DIP2C: variants seen among roughly 807,000 people sequenced by gnomAD.
DIP2C encodes the protein DIP2 acetate--CoA ligase C (putative).
Under a neutral mutation model 192.4 loss-of-function variants are expected in DIP2C, and 33 were observed. That is an observed-to-expected ratio of 0.17 (90% CI 0.13 to 0.23). The LOEUF (loss-of-function observed/expected upper bound fraction) is 0.23. Among genes scored for constraint, DIP2C ranks in the 10% least tolerant of loss-of-function variants. The pLI is 1.00. For missense variants in DIP2C, 1,537 were observed against 2,110.1 expected, an observed-to-expected ratio of 0.73 and a Z score of 5.32; for synonymous variants, 979 against 864.1, an observed-to-expected ratio of 1.13 and a Z score of -2.33.
rs527903974 is a variant in DIP2C, at chr10:372,758, C to G, written c.1992-3125G>C. On this transcript the variant is annotated intron_variant, in intron 17 of 36. Transcript: ENST00000280886. ...GGCGGGCACAGAAGCACGGGTGCTC[C>G]CGACACACAGGTGGGCACAGAAGCG... is the stretch of plus-strand genomic sequence containing the variant. Among the ~76,000 whole-genome samples the G allele has an allele frequency of 2.6e-5, 4 of 151,460 alleles. No individual in the cohort carries two copies. In the East Asian group the frequency reaches 5.8e-4, roughly 22 times the overall value.
At chr10:607,711 G>T (rs1852598413) in intron 1 of DIP2C, among the ~76,000 whole-genome samples, 1 of 152,156 alleles carries the variant, frequency 6.6e-6, no homozygotes, top group South Asian at 2.1e-4. Context: ...AAAATCACAA[G>T]TGTAAACATT....
chr10:287,119 T>C (rs1411948862), intron 33 of DIP2C, among the ~76,000 whole-genome samples: 1 of 152,152 alleles, frequency 6.6e-6, no homozygotes, highest in Non-Finnish European at 1.5e-5. Context: ...CTTTTTTTTT[T>C]TGAGACAGGG....
chr10:470,418 C>CCT (rs1387129215), intron 3 of DIP2C, among the ~76,000 whole-genome samples: 12 of 152,314 alleles, frequency 7.9e-5, no homozygotes, highest in African/African-American at 2.9e-4. Context: ...TCAGCCACCC[C>CCT]CTCTGCCATG....
At chr10:329,639 GC>G in intron 29 of DIP2C, 38 bp from the exon 30 acceptor site, 1 of 432,470 alleles carries the variant, frequency 2.3e-6, no homozygotes. Flanking sequence ...CGGGAGCTCA[GC>G]AAGGCTGGAG....
At chr10:540,039 G>T (rs570116952) in intron 1 of DIP2C, among the ~76,000 whole-genome samples, 2 of 152,302 alleles carry the variant, frequency 1.3e-5, no homozygotes, top group South Asian at 4.1e-4. Flanking sequence ...AGAAACTTGT[G>T]TTTGGCAATA....
chr10:529,843 G>A (rs934714658), intron 1 of DIP2C, among the ~76,000 whole-genome samples: 6 of 151,736 alleles, frequency 4.0e-5, no homozygotes, highest in East Asian at 3.9e-4. Flanking sequence ...GCAGTATTGC[G>A]ATCATGGCTC....
intron 2 of DIP2C, among the ~76,000 whole-genome samples, chr10:473,845 T>C (rs1970846775): frequency 6.6e-6 from 1 of 152,262 alleles, no homozygotes; most frequent in African/African-American, 2.4e-5. Context: ...ATGAGAGTTG[T>C]AGAGTCTGTG....
chr10:621,683 T>A (rs1012062718), intron 1 of DIP2C, among the ~76,000 whole-genome samples: 3 of 152,004 alleles, frequency 2.0e-5, no homozygotes, highest in Non-Finnish European at 4.4e-5. Flanking sequence ...TCCGCCTCCA[T>A]CCTCCATCCT....
At chr10:348,531 C>A (rs1958630846) in intron 26 of DIP2C, 110 bp downstream of exon 26, 1 of 1,520,720 alleles carries the variant, frequency 6.6e-7, no homozygotes, top group Non-Finnish European at 8.8e-7. Flanking sequence ...CCAGACACAC[C>A]CCGGCTTCCA....
Position 414,739 on chromosome 10 carries a change from G to GTGTGTGTATATATATATATATA in DIP2C, c.860-630_860-629insTATATATATATATATACACACA. ...TGTGTGTGTGTGTGTGTGTGTGTGT[G>GTGTGTGTATATATATATATATA]TACATATATATATATATAATGTGTA... On this transcript the variant is annotated intron_variant, in intron 7 of 36. Transcript: ENST00000280886. Among the ~76,000 whole-genome samples, 501 of 90,464 alleles carry GTGTGTGTATATATATATATATA rather than the reference G, an allele frequency of 5.5e-3. 20 individuals carry two copies. The highest frequency in any genetic ancestry group is 8.0e-3 in the Non-Finnish European group (371 of 46,564). 59.3% of individuals were successfully genotyped at this position (90,464 alleles called of 152,430 possible).
chr10:329,500 G>A lies in DIP2C; in HGVS notation c.3686C>T (p.Thr1229Met), dbSNP rs2132457740. Residue 1229 changes from threonine to methionine, a missense_variant, in exon 30 of 37, where the codon ACG (threonine) becomes ATG (methionine). By Grantham distance (81) the Thr-to-Met change is moderately conservative. This residue lies in a region of DIP2C where 341 missense variants were observed against 551.7 expected (regional missense o/e 0.62). Coordinates refer to ENST00000280886, the MANE Select transcript of DIP2C (RefSeq NM_014974.3). ...CTCCATCACGGAGTAGGAGCAAAAC[G>A]TGTCTCGGACTTTGTACTGACTCAC... ...LAVSQYKVRD[T>M]FCSYSVMELC... 3.1e-6 allele frequency: 5 copies of A among 1,614,192 alleles called. No individual in the cohort carries two copies. The highest frequency in any genetic ancestry group is 4.2e-6 in the Non-Finnish European group (5 of 1,180,036).
rs539481258 is a variant in DIP2C at position 580,152 on chromosome 10, A to G, written c.86-93622T>C. Among the ~76,000 whole-genome samples, 19 of 152,272 alleles carry G rather than the reference A, an allele frequency of 1.2e-4. No homozygotes were observed. The South Asian group carries it at 3.7e-3, about 30-fold the overall frequency. ...CATGCATATAGTGTACACATATCCG[A>G]TGTACAGTGCACTACAGCATGCCTA... On this transcript the variant is annotated intron_variant, in intron 1 of 36. Coordinates refer to ENST00000280886, the MANE Select transcript of DIP2C (RefSeq NM_014974.3).
intron 1 of DIP2C, among the ~76,000 whole-genome samples, chr10:522,005 C>A (rs754056245): frequency 6.6e-6 from 1 of 152,056 alleles, no homozygotes; most frequent in East Asian, 1.9e-4. Flanking sequence ...GTTTCACAGA[C>A]GTGGAACAGC....
rs528619357 is a variant in DIP2C, at chr10:551,536, GC to G, written c.86-65007del. On this transcript the variant is annotated intron_variant, in intron 1 of 36. Transcript: ENST00000280886. ...GGCTCAAGAGGAAGGAGGCCTCGGTGCACAAACCCACAAGTGCCTTCCCTCC... is the reference window on the plus strand; with the variant it reads ...GGCTCAAGAGGAAGGAGGCCTCGGTGACAAACCCACAAGTGCCTTCCCTCC... Among the ~76,000 whole-genome samples the G allele has an allele frequency of 5.3e-3, 803 of 152,338 alleles. 9 individuals are homozygous for G. The highest frequency in any genetic ancestry group is 0.018 in the African/African-American group (754 of 41,576).
intron 32 of DIP2C, among the ~76,000 whole-genome samples, chr10:289,301 G>A (rs978060541): frequency 6.6e-6 from 1 of 151,044 alleles, no homozygotes; most frequent in Non-Finnish European, 1.5e-5. Context: ...ACAGGGTCTC[G>A]CTCTGTCACT....
intron 32 of DIP2C, among the ~76,000 whole-genome samples, chr10:306,881 C>T (rs1956348191): frequency 6.6e-6 from 1 of 152,186 alleles, no homozygotes; most frequent in Non-Finnish European, 1.5e-5. Context: ...TTCTGAGCAC[C>T]CCCAGAGCTC....
At chr10:660,039 T>C (rs1856657686) in intron 1 of DIP2C, among the ~76,000 whole-genome samples, 1 of 152,264 alleles carries the variant, frequency 6.6e-6, no homozygotes, top group Admixed American at 6.5e-5. Context: ...TCAAGAGGCC[T>C]AGGTTCCCTC....
intron 1 of DIP2C, chr10:650,689 A>G: frequency 1.6e-6 from 1 of 620,162 alleles, no homozygotes; most frequent in South Asian, 2.0e-5. Flanking sequence ...TCCCAGCCTT[A>G]GAGCCCAGAT....
intron 1 of DIP2C, among the ~76,000 whole-genome samples, chr10:491,073 C>G (rs1354228118): frequency 6.6e-6 from 1 of 152,222 alleles, no homozygotes; most frequent in African/African-American, 2.4e-5. Flanking sequence ...GACAGACACC[C>G]GGCCCTTGTG....
Sources: gnomAD v4.1 joint callset for allele counts (sites outside exome capture counted in the v4.1 genomes callset) on GRCh38, gnomAD v4.1.1 for gene constraint, gnomAD v4.1.1 regional missense constraint, MANE v1.5 for transcripts, NCBI Gene and HGNC (gene_info 2026-07-23, HGNC 2026-07-21) for gene names.